The following BTRC variants were observed in gnomAD, a reference collection of about 807,000 sequenced individuals.
The protein encoded by BTRC is F-box/WD repeat-containing protein 1A.
In BTRC, 42 loss-of-function variants were observed where a neutral mutation model predicts 85.5. That is an observed-to-expected ratio of 0.49 (90% CI 0.38 to 0.64). BTRC has a LOEUF of 0.64. Among genes scored for constraint, BTRC ranks in the 30% least tolerant of loss-of-function variants. The pLI is 0.00. For missense variants in BTRC, 594 were observed against 743.5 expected (o/e 0.80, Z 2.34); for synonymous variants, 255 against 263.3 (o/e 0.97, Z 0.30).
chr10:101,371,301 C>T (rs1001880557), intron 1 of BTRC, among the ~76,000 whole-genome samples: 1 of 152,090 alleles, frequency 6.6e-6, no homozygotes, highest in African/African-American at 2.4e-5. Flanking sequence ...GCCTCAGCCT[C>T]CTGAGTAGCT....
intron 3 of BTRC, among the ~76,000 whole-genome samples, chr10:101,472,542 G>A (rs1589515292): frequency 6.6e-6 from 1 of 152,014 alleles, no homozygotes; most frequent in East Asian, 1.9e-4. Flanking sequence ...AGCTGGGCGT[G>A]GTGGCTCATG....
chr10:101,489,173 C>A (rs916863986), intron 4 of BTRC, among the ~76,000 whole-genome samples: 2 of 152,002 alleles, frequency 1.3e-5, no homozygotes, highest in Non-Finnish European at 2.9e-5. Context: ...TGAAAACATT[C>A]ATTTAGACTT....
chr10:101,483,927 C>T (rs1230102120), intron 4 of BTRC, among the ~76,000 whole-genome samples: 1 of 152,072 alleles, frequency 6.6e-6, no homozygotes, highest in Non-Finnish European at 1.5e-5. Context: ...TTGCTATTGG[C>T]TTTATTAAAC....
intron 13 of BTRC, among the ~76,000 whole-genome samples, chr10:101,545,801 C>A (rs1423455523): frequency 1.3e-5 from 2 of 152,122 alleles, no homozygotes; most frequent in African/African-American, 2.4e-5. Flanking sequence ...TAACACTAGT[C>A]AGAAGAAAGT....
At chr10:101,354,158 C>G (rs1439662786), upstream of BTRC, 1 of 1,548,362 alleles carries the variant, frequency 6.5e-7, no homozygotes, top group Middle Eastern at 2.3e-4. Flanking sequence ...CGGCGGAGAG[C>G]GGACCCAGTG....
At position 101,408,305 on chromosome 10, in the gene BTRC, T is replaced by G. The variant is rs574791353; in HGVS notation, c.49-22040T>G. On this transcript the variant is annotated intron_variant, in intron 1 of 14. Transcript: ENST00000370187. ...ATCTGTTCTTTTTCTTCTTTTTTTTTAAATTTATTTTCTTTTTCTGAGACA... is the reference window on the plus strand; with the variant it reads ...ATCTGTTCTTTTTCTTCTTTTTTTTGAAATTTATTTTCTTTTTCTGAGACA... Among the ~76,000 whole-genome samples, 80 of 152,186 alleles carry G rather than the reference T, an allele frequency of 5.3e-4. 1 individual carries two copies. The highest frequency in any genetic ancestry group is 3.8e-4 in the Non-Finnish European group (26 of 67,988).
At chr10:101,470,329 C>CTTT (rs950644281) in intron 3 of BTRC, among the ~76,000 whole-genome samples, 395 of 94,242 alleles carry the variant, frequency 4.2e-3, no homozygotes, top group Middle Eastern at 7.0e-3. Context: ...ATTTTTCTTT[C>CTTT]TTTTTTTTTT....
intron 1 of BTRC, among the ~76,000 whole-genome samples, chr10:101,395,219 T>C (rs1019195759): frequency 2.0e-5 from 3 of 152,058 alleles, no homozygotes; most frequent in African/African-American, 7.2e-5. Flanking sequence ...GAAGGTAGGG[T>C]TGGAGAGAGA....
chr10:101,438,321 A>G (rs915008262), intron 2 of BTRC, among the ~76,000 whole-genome samples: 1 of 144,352 alleles, frequency 6.9e-6, no homozygotes, highest in Non-Finnish European at 1.5e-5. Flanking sequence ...GCTCCTCGGG[A>G]GGCTGAGGCA....
Position 101,354,187 on chromosome 10 carries a change from C to T in BTRC, c.7C>T (p.Pro3Ser), listed in dbSNP as rs768725324. Residue 3 changes from proline (P) to serine (S), a missense_variant, in exon 1 of 15, where the codon CCG becomes TCG. Physicochemically the swap from Pro to Ser is moderately conservative, Grantham distance 74. This residue lies in a region of BTRC where 163 missense variants were observed against 180.5 expected (regional missense o/e 0.90). Transcript: ENST00000370187. ...CCCAGTGGCCTCGGCGATTATGGAC[C>T]CGGCCGAGGCGGTGCTGCAAGAGAA... Reference protein sequence around the residue: MDPAEAVLQEKAL... With the variant: MDSAEAVLQEKAL... 39 of 1,549,050 alleles carry T rather than the reference C, an allele frequency of 2.5e-5. No individual in the cohort carries two copies. The Middle Eastern group carries it at 9.1e-4, about 36-fold the overall frequency.
At position 101,454,203 on chromosome 10, in the gene BTRC, C is replaced by T. The variant is rs564940856; in HGVS notation, c.157-7778C>T. On this transcript the variant is annotated intron_variant, in intron 2 of 14. Coordinates refer to ENST00000370187, the MANE Select transcript of BTRC (RefSeq NM_033637.4). ...TGAGCATCTGTTATCTGTATACTTA[C>T]GTAATGTGTTAGTGGGTAGAGGGAG... Among the ~76,000 whole-genome samples, 12 of 152,258 alleles carry T rather than the reference C, an allele frequency of 7.9e-5. No homozygotes were observed. The South Asian group carries it at 1.0e-3, about 13-fold the overall frequency.
At chr10:101,364,430 T>G (rs1352448473) in intron 1 of BTRC, among the ~76,000 whole-genome samples, 3 of 152,190 alleles carry the variant, frequency 2.0e-5, no homozygotes, top group African/African-American at 7.2e-5. Flanking sequence ...GTAACAGAAT[T>G]TGAACTGTAA....
intron 4 of BTRC, among the ~76,000 whole-genome samples, chr10:101,487,241 T>C (rs1265267918): frequency 6.6e-6 from 1 of 152,244 alleles, no homozygotes; most frequent in Non-Finnish European, 1.5e-5. Flanking sequence ...ATTTTCATGC[T>C]ACTCAATGTT....
chr10:101,521,400 T>A (rs2062102591), intron 4 of BTRC, among the ~76,000 whole-genome samples: 1 of 152,266 alleles, frequency 6.6e-6, no homozygotes, highest in Non-Finnish European at 1.5e-5. Context: ...TTTGTGTATC[T>A]TCAAATATTA....
intron 1 of BTRC, chr10:101,414,768 G>A (rs1943882086): frequency 1.5e-5 from 4 of 269,994 alleles, no homozygotes; most frequent in Admixed American, 4.3e-5. Flanking sequence ...TTTCAACAAA[G>A]ATGTTTAAAT....
At chr10:101,517,550 T>C (rs1425537786) in intron 4 of BTRC, among the ~76,000 whole-genome samples, 1 of 152,236 alleles carries the variant, frequency 6.6e-6, no homozygotes, top group Non-Finnish European at 1.5e-5. Flanking sequence ...ATGAACTCTA[T>C]GGTAACATGG....
chr10:101,452,509 A>T lies in BTRC; in HGVS notation c.157-9472A>T, dbSNP rs561379377. The stretch of plus-strand genomic sequence containing the variant: ...AAATAGTTGTTCTTTGCAAATATAC[A>T]CAATCCCTCTGCATTTTGAGAAAGG... On this transcript the variant is annotated intron_variant, in intron 2 of 14. Coordinates refer to ENST00000370187, the MANE Select transcript of BTRC (RefSeq NM_033637.4). 2.6e-5 allele frequency among the ~76,000 whole-genome samples: 4 copies of T among 152,382 alleles called. No homozygotes were observed. In the South Asian group the frequency reaches 8.3e-4, roughly 32 times the overall value.
intron 13 of BTRC, among the ~76,000 whole-genome samples, chr10:101,547,235 G>A (rs1034537544): frequency 6.6e-6 from 1 of 151,930 alleles, no homozygotes; most frequent in Admixed American, 6.6e-5. Flanking sequence ...CCCGGGAGGC[G>A]GAGGTTGCAG....
chr10:101,479,296 C>A, intron 3 of BTRC, 72 bp from the exon 4 acceptor site: 2 of 1,116,446 alleles, frequency 1.8e-6, no homozygotes, highest in Non-Finnish European at 2.7e-6. Context: ...AGAAATAGAG[C>A]AGAATTTGAA....
Sources: allele counts gnomAD v4.1 joint callset (sites outside exome capture counted in the v4.1 genomes callset), GRCh38; gene constraint gnomAD v4.1.1; regional missense constraint gnomAD v4.1.1; transcripts MANE v1.5; gene names NCBI Gene and HGNC (gene_info 2026-07-23, HGNC 2026-07-21).